The following RERE variants were observed in gnomAD, a reference collection of about 807,000 sequenced individuals.
RERE encodes arginine-glutamic acid dipeptide repeats protein.
A neutral mutation model predicts 146.1 loss-of-function variants in RERE; 40 were observed. That is an observed-to-expected ratio of 0.27 (90% confidence interval 0.21 to 0.36). The LOEUF (loss-of-function observed/expected upper bound fraction) is 0.36. Ranked by LOEUF, RERE falls within the 10% of genes least tolerant of loss-of-function variation. RERE has a pLI of 1.00. For missense variants in RERE, 1,933 were observed against 2,138.7 expected (o/e 0.90, Z 1.90); for synonymous variants, 1,003 against 866.0 (o/e 1.16, Z -2.78).
intron 1 of RERE, among the ~76,000 whole-genome samples, chr1:8,760,500 T>C (rs2124530048): frequency 6.6e-6 from 1 of 152,216 alleles, no homozygotes; most frequent in Admixed American, 6.5e-5. Context: ...GGTAGAGGTG[T>C]GAGAGACACA....
rs146351254 is a variant in RERE at position 8,699,434 on chromosome 1, T to C, written c.-144-42993A>G. On this transcript the variant is annotated intron_variant, in intron 1 of 22. Coordinates refer to ENST00000400908, the MANE Select transcript of RERE (RefSeq NM_001042681.2). ...GAGTAAAATTATGCTAATTTTCCTA[T>C]TGACTAAGCATCAACATTATTCTGT... Among the ~76,000 whole-genome samples, 785 of 152,350 alleles carry C rather than the reference T, an allele frequency of 5.2e-3. 5 individuals are homozygous for C. Among genetic ancestry groups the C allele is most frequent in the East Asian group, 0.028 (145 of 5,192 alleles).
chr1:8,518,162 T>A (rs1003614769), intron 7 of RERE, among the ~76,000 whole-genome samples: 5 of 152,210 alleles, frequency 3.3e-5, no homozygotes, highest in Non-Finnish European at 7.3e-5. Context: ...CACTTGATTC[T>A]ACAAGGGAAG....
At chr1:8,393,949 T>C (rs1339757674) in intron 12 of RERE, among the ~76,000 whole-genome samples, 1 of 152,186 alleles carries the variant, frequency 6.6e-6, no homozygotes, top group African/African-American at 2.4e-5. Flanking sequence ...AGGCCCACGA[T>C]TTTGCCATGA....
At chr1:8,412,440 A>G (rs1320143766) in intron 12 of RERE, among the ~76,000 whole-genome samples, 2 of 152,240 alleles carry the variant, frequency 1.3e-5, no homozygotes, top group Non-Finnish European at 2.9e-5. Flanking sequence ...ACAAAGCTGC[A>G]GAGATCTGGC....
chr1:8,784,640 A>AC (rs1641228929), intron 1 of RERE, among the ~76,000 whole-genome samples: 1 of 152,152 alleles, frequency 6.6e-6, no homozygotes, highest in Admixed American at 6.6e-5. Flanking sequence ...GTGATCTGCT[A>AC]CCCAAAAAAG....
In RERE at chr1:8,529,287, C is replaced by CTTCTTTTTTTTTTTTT. The variant is rs1382281413; in HGVS notation, c.830+11926_830+11927insAAAAAAAAAAAAAGAA. On this transcript the variant is annotated intron_variant, in intron 7 of 22. Transcript: ENST00000400908. ...CCTCCACAACCATCAGTTCTCCCTT[C>CTTCTTTTTTTTTTTTT]TTTTTTTTTTTTTTTTTTTTGAGAT... 2.1e-4 allele frequency among the ~76,000 whole-genome samples: 22 copies of CTTCTTTTTTTTTTTTT among 102,438 alleles called. 1 individual carries two copies. The highest frequency in any genetic ancestry group is 8.4e-4 in the African/African-American group (22 of 26,050). The allele number at this position is 102,438 out of a possible 152,430, so 67.2% of individuals were successfully genotyped here.
chr1:8,787,617 G>T lies in RERE; in HGVS notation c.-145+29543C>A, dbSNP rs540542021. Among the ~76,000 whole-genome samples the T allele has an allele frequency of 7.2e-5, 11 of 152,046 alleles. No individual in the cohort carries two copies. In the South Asian group the frequency reaches 2.3e-3, roughly 32 times the overall value. On this transcript the variant is annotated intron_variant, in intron 1 of 22. Transcript: ENST00000400908. ...AGGCCAAGGCAGGCGGATCACCTGA[G>T]GTCAGGAGTTCCAGACCACCCTGGC...
chr1:8,601,529 T>C (rs1395369567), intron 4 of RERE, among the ~76,000 whole-genome samples: 3 of 151,960 alleles, frequency 2.0e-5, no homozygotes, highest in Non-Finnish European at 2.9e-5. Context: ...CAATCATTTA[T>C]GCTGGTAATT....
chr1:8,611,147 A>T (rs1646788372), intron 4 of RERE, among the ~76,000 whole-genome samples: 1 of 151,956 alleles, frequency 6.6e-6, no homozygotes, highest in East Asian at 1.9e-4. Flanking sequence ...GTGAGCTGAG[A>T]TCATGCCACT....
At chr1:8,559,405 C>G (rs1174899219) in intron 4 of RERE, among the ~76,000 whole-genome samples, 1 of 151,468 alleles carries the variant, frequency 6.6e-6, no homozygotes, top group Non-Finnish European at 1.5e-5. Context: ...AAAAATACGG[C>G]ATCATCACTG....
At chr1:8,431,985 G>C (rs1644101556) in intron 11 of RERE, among the ~76,000 whole-genome samples, 1 of 152,070 alleles carries the variant, frequency 6.6e-6, no homozygotes, top group Non-Finnish European at 1.5e-5. Context: ...CATGCTCCTC[G>C]GTTTTTGCAA....
chr1:8,582,396 T>C (rs1446424905), intron 4 of RERE, among the ~76,000 whole-genome samples: 1 of 151,594 alleles, frequency 6.6e-6, no homozygotes, highest in Non-Finnish European at 1.5e-5. Flanking sequence ...TTCTCTCTCT[T>C]TCTTTAAAAA....
At chr1:8,691,875 C>T (rs913854281) in intron 1 of RERE, among the ~76,000 whole-genome samples, 4 of 152,310 alleles carry the variant, frequency 2.6e-5, no homozygotes, top group Admixed American at 2.0e-4. Flanking sequence ...GGAAGTAGTT[C>T]TAACCTCCTC....
At chr1:8,531,005 TTTTCTATCTATCTATC>T (rs1291907215) in intron 7 of RERE, among the ~76,000 whole-genome samples, 1 of 143,224 alleles carries the variant, frequency 7.0e-6, no homozygotes, top group Non-Finnish European at 1.5e-5. Flanking sequence ...CTGAACTGAG[TTTTCTATCTATCTATC>T]TATCTATCTA....
intron 1 of RERE, among the ~76,000 whole-genome samples, chr1:8,773,746 C>T (rs1641002713): frequency 6.6e-6 from 1 of 152,172 alleles, no homozygotes; most frequent in Non-Finnish European, 1.5e-5. Flanking sequence ...ATCGCTTGAA[C>T]CTGGGAGGCA....
intron 1 of RERE, among the ~76,000 whole-genome samples, chr1:8,673,393 G>A (rs758723785): frequency 1.3e-5 from 2 of 152,196 alleles, no homozygotes; most frequent in Non-Finnish European, 2.9e-5. Context: ...ACTGTGCCCA[G>A]CCAGGAGCTT....
chr1:8,443,675 T>G, intron 11 of RERE, among the ~76,000 whole-genome samples: 1 of 152,166 alleles, frequency 6.6e-6, no homozygotes, highest in Non-Finnish European at 1.5e-5. Context: ...AGAATAGTTT[T>G]CAGGGCCAGG....
chr1:8,765,204 G>A (rs977770146), intron 1 of RERE, among the ~76,000 whole-genome samples: 2 of 152,184 alleles, frequency 1.3e-5, no homozygotes, highest in Non-Finnish European at 2.9e-5. Flanking sequence ...CTACCACATG[G>A]GTGAACCTTG....
intron 4 of RERE, among the ~76,000 whole-genome samples, chr1:8,573,442 A>G (rs1646248438): frequency 6.6e-6 from 1 of 152,202 alleles, no homozygotes; most frequent in Non-Finnish European, 1.5e-5. Context: ...TTGTTCTTTC[A>G]GCATTACACT....
Sources: gnomAD v4.1 joint callset for allele counts (sites outside exome capture counted in the v4.1 genomes callset) on GRCh38, gnomAD v4.1.1 for gene constraint, MANE v1.5 for transcripts, NCBI Gene and HGNC (gene_info 2026-07-23, HGNC 2026-07-21) for gene names.